Variants in MICU1 observed in about 807,000 individuals in gnomAD.
MICU1 encodes mitochondrial calcium uptake 1.
MICU1 carries 45 observed loss-of-function variants against 56.8 expected under a neutral mutation model. The ratio of observed to expected loss-of-function variants is 0.79; its 90% CI spans 0.62 to 1.02. The LOEUF (loss-of-function observed/expected upper bound fraction) is 1.02, where lower values mean the gene tolerates loss of function less well. MICU1 is among the 50% of genes least tolerant of loss of function. MICU1 has a pLI of 0.00. For missense variants in MICU1, 504 were observed against 587.1 expected (o/e 0.86, Z 1.46); for synonymous variants, 186 against 195.1 (o/e 0.95, Z 0.39).
intron 6 of MICU1, among the ~76,000 whole-genome samples, chr10:72,503,110 CAA>C (rs1398334053): frequency 1.2e-4 from 18 of 152,128 alleles, no homozygotes; most frequent in Admixed American, 1.2e-3. Flanking sequence ...CTGTATGCCT[CAA>C]TTTCCTCATT....
intron 2 of MICU1, among the ~76,000 whole-genome samples, chr10:72,565,217 T>C (rs1564937296): frequency 1.3e-5 from 2 of 150,958 alleles, no homozygotes; most frequent in Non-Finnish European, 2.9e-5. Flanking sequence ...CTATTCACAA[T>C]AGCAAAGACT....
intron 6 of MICU1, chr10:72,501,781 C>T (rs921028528): frequency 6.6e-6 from 1 of 152,112 alleles, no homozygotes; most frequent in African/African-American, 2.4e-5. Flanking sequence ...CATGCCACTG[C>T]TTATTGTAAG....
intron 10 of MICU1, among the ~76,000 whole-genome samples, chr10:72,392,988 A>T (rs1258647147): frequency 1.3e-5 from 2 of 152,228 alleles, no homozygotes; most frequent in Non-Finnish European, 2.9e-5. Context: ...TACTACTATC[A>T]TCACCTCTTT....
chr10:72,435,948 T>A (rs1301221784), intron 8 of MICU1, among the ~76,000 whole-genome samples: 2 of 152,220 alleles, frequency 1.3e-5, no homozygotes, highest in Non-Finnish European at 2.9e-5. Flanking sequence ...AGACTACACC[T>A]CTGTGGGCAG....
intron 3 of MICU1, among the ~76,000 whole-genome samples, chr10:72,562,151 T>TTC (rs1840314743): frequency 7.4e-6 from 1 of 135,920 alleles, no homozygotes; most frequent in African/African-American, 2.7e-5. Context: ...TAAAATCTTT[T>TTC]TTTTTTTTTT....
intron 9 of MICU1, among the ~76,000 whole-genome samples, chr10:72,421,796 C>T (rs560615641): frequency 3.3e-5 from 5 of 152,306 alleles, no homozygotes; most frequent in African/African-American, 7.2e-5. Context: ...TCTCTTTAAA[C>T]GTACATACAA....
chr10:72,482,506 T>C (rs1205220404), intron 6 of MICU1, among the ~76,000 whole-genome samples: 1 of 152,172 alleles, frequency 6.6e-6, no homozygotes, highest in Non-Finnish European at 1.5e-5. Flanking sequence ...TTTGTAAGGA[T>C]GATCACACAG....
chr10:72,430,992 C>T (rs368270923), intron 8 of MICU1, among the ~76,000 whole-genome samples: 5 of 151,988 alleles, frequency 3.3e-5, no homozygotes, highest in African/African-American at 1.2e-4. Context: ...TTTTAATCCT[C>T]ATTATATTTC....
rs1474577125 is a variant in MICU1, at chr10:72,443,740, G to A, written c.934-20369C>T. ...GGAAACAACAGGTGCTGGAGAGGAT[G>A]TGGAGAAATAGGAACACTTTTACAT... On this transcript the variant is annotated intron_variant, in intron 8 of 11. Coordinates refer to ENST00000361114, the MANE Select transcript of MICU1 (RefSeq NM_001195518.2). Among the ~76,000 whole-genome samples the A allele has an allele frequency of 8.5e-5, 13 of 152,260 alleles. No individual in the cohort carries two copies. The South Asian group carries it at 2.5e-3, about 29-fold the overall frequency.
At chr10:72,430,359 C>T (rs1864485985) in intron 8 of MICU1, among the ~76,000 whole-genome samples, 7 of 152,002 alleles carry the variant, frequency 4.6e-5, no homozygotes, top group Admixed American at 4.6e-4. Flanking sequence ...GAATTGATCC[C>T]TAGAAACAAA....
intron 6 of MICU1, among the ~76,000 whole-genome samples, chr10:72,484,510 C>T (rs866280508): frequency 3.9e-5 from 6 of 151,958 alleles, no homozygotes; most frequent in African/African-American, 1.2e-4. Flanking sequence ...CACTTGAAAA[C>T]TACAGAGCAA....
At chr10:72,382,056 A>C (rs920182297) in intron 10 of MICU1, among the ~76,000 whole-genome samples, 3 of 152,066 alleles carry the variant, frequency 2.0e-5, no homozygotes, top group Non-Finnish European at 2.9e-5. Flanking sequence ...ATATTAATAC[A>C]CACATATGGG....
intron 5 of MICU1, chr10:72,524,734 C>G (rs1366405975): frequency 8.1e-7 from 1 of 1,231,646 alleles, no homozygotes; most frequent in Non-Finnish European, 1.0e-6. Context: ...TGAGTCAGTA[C>G]CTGCCAGAAA....
intron 1 of MICU1, among the ~76,000 whole-genome samples, chr10:72,607,859 G>C (rs1049936809): frequency 1.3e-5 from 2 of 151,838 alleles, no homozygotes; most frequent in Admixed American, 6.6e-5. Flanking sequence ...CTGTGGGGGG[G>C]GTCTACACTA....
intron 1 of MICU1, among the ~76,000 whole-genome samples, chr10:72,592,844 G>T (rs560029344): frequency 6.7e-6 from 1 of 149,882 alleles, no homozygotes; most frequent in Non-Finnish European, 1.5e-5. Flanking sequence ...GAGCAATGGC[G>T]CAATCTCGGC....
intron 1 of MICU1, among the ~76,000 whole-genome samples, chr10:72,616,194 T>C (rs1247443655): frequency 6.6e-6 from 1 of 152,178 alleles, no homozygotes; most frequent in Non-Finnish European, 1.5e-5. Context: ...TAATTTCTGA[T>C]TGGATGCCAG....
intron 6 of MICU1, among the ~76,000 whole-genome samples, chr10:72,506,422 C>T (rs1867254255): frequency 6.6e-6 from 1 of 152,184 alleles, no homozygotes; most frequent in South Asian, 2.1e-4. Context: ...CAGGTCTCTT[C>T]ATTTAATGCC....
intron 10 of MICU1, among the ~76,000 whole-genome samples, chr10:72,380,343 T>A (rs777357446): frequency 2.0e-5 from 3 of 152,106 alleles, no homozygotes; most frequent in Admixed American, 1.3e-4. Flanking sequence ...ATTGGGTGAT[T>A]CCTATTAGAT....
At chr10:72,408,549 T>C (rs960180799) in intron 9 of MICU1, among the ~76,000 whole-genome samples, 1 of 152,192 alleles carries the variant, frequency 6.6e-6, no homozygotes, top group African/African-American at 2.4e-5. Flanking sequence ...CCTCAAGTGA[T>C]TCACCTGCCT....
Sources: gnomAD v4.1 joint callset for allele counts (sites outside exome capture counted in the v4.1 genomes callset) on GRCh38, gnomAD v4.1.1 for gene constraint, MANE v1.5 for transcripts, NCBI Gene and HGNC (gene_info 2026-07-23, HGNC 2026-07-21) for gene names.